The following SLC7A2 variants were observed in gnomAD, a reference collection of about 807,000 sequenced individuals.
SLC7A2 encodes cationic amino acid transporter 2.
SLC7A2 carries 48 observed loss-of-function variants against 58.9 expected under a neutral mutation model. That is an observed-to-expected ratio of 0.82 (90% CI 0.65 to 1.04). SLC7A2 has a LOEUF of 1.04. Among genes scored for constraint, SLC7A2 ranks in the 50% least tolerant of loss-of-function variants. SLC7A2 has a pLI of 0.00. For synonymous variants in SLC7A2, 363 were observed against 314.5 expected (o/e 1.15, Z -1.63); for missense variants, 1,029 against 818.8 (o/e 1.26, Z -3.13).
rs1803027197 is a variant in SLC7A2 at position 17,562,067 on chromosome 8, C to T, written c.1628C>T (p.Thr543Ile). The T allele has an allele frequency of 1.2e-6, 2 of 1,613,824 alleles. No homozygotes were observed. The highest frequency in any genetic ancestry group is 1.7e-6 in the Non-Finnish European group (2 of 1,180,000). ...FLVLFVAIVL[T>I]IWRQPQNQQK... ...GTTCTCTTCGTTGCCATCGTTCTCACCATCTGGAGGCAGCCCCAGAATCAG... is the reference window on the plus strand; with the variant it reads ...GTTCTCTTCGTTGCCATCGTTCTCATCATCTGGAGGCAGCCCCAGAATCAG... The change falls in exon 11 of 13, where the codon ACC (threonine) becomes ATC (isoleucine). Residue 543 changes from threonine to isoleucine, a missense_variant. Coordinates refer to ENST00000494857, the MANE Select transcript of SLC7A2 (RefSeq NM_001370338.1).
rs573763820 is a variant in SLC7A2, at chr8:17,540,309, G to A, written c.-22-3009G>A. On this transcript the variant is annotated intron_variant, in intron 2 of 12. Coordinates refer to ENST00000494857, the MANE Select transcript of SLC7A2 (RefSeq NM_001370338.1). ...GCGTAGTTGAGATTGTTTGCAAAGG[G>A]CATCGAGTAACCTGCCAGTTCTGAG... 1.3e-5 allele frequency among the ~76,000 whole-genome samples: 2 copies of A among 152,248 alleles called. 1 individual carries two copies. The highest frequency in any genetic ancestry group is 4.2e-4 in the South Asian group (2 of 4,814).
chr8:17,555,155 A>T, intron 8 of SLC7A2: 2 of 1,446,042 alleles, frequency 1.4e-6, no homozygotes, highest in East Asian at 2.3e-5. Flanking sequence ...ACTTATAAAG[A>T]GGGTCTGCAT....
At chr8:17,554,797 C>G in intron 8 of SLC7A2, 98 bp downstream of exon 8, 1 of 1,455,936 alleles carries the variant, frequency 6.9e-7, no homozygotes. Context: ...TTTTTGATTT[C>G]CAAGAAGTTC....
chr8:17,516,754 A>G (rs908769110), intron 2 of SLC7A2, among the ~76,000 whole-genome samples: 5 of 152,196 alleles, frequency 3.3e-5, no homozygotes, highest in African/African-American at 1.2e-4. Flanking sequence ...TCTTCACTGA[A>G]CTTAACTGGT....
rs1803017583 is a variant in SLC7A2 at position 17,561,996 on chromosome 8, C to T, written c.1557C>T (p.Ile519=). 1 of 1,614,128 alleles carries T rather than the reference C, an allele frequency of 6.2e-7. No homozygotes were observed. Among genetic ancestry groups the T allele is most frequent in the Non-Finnish European group, 8.5e-7 (1 of 1,180,008 alleles). The stretch of plus-strand genomic sequence containing the variant: ...TGACCACTTACGGAGTTCATGCCAT[C>T]ACCAGGCTGGAGGCCTGGAGCCTCG... ...SVLTTYGVHA[I]TRLEAWSLAL... The change falls in exon 11 of 13, where the codon ATC becomes ATT. Residue 519 remains isoleucine, a synonymous_variant. Transcript: ENST00000494857.
intron 2 of SLC7A2, chr8:17,510,481 C>T (rs1800560067): frequency 6.6e-6 from 1 of 152,180 alleles, no homozygotes; most frequent in Admixed American, 6.5e-5. Context: ...TCTCCACAGC[C>T]TTGCCAGCAT....
intron 9 of SLC7A2, among the ~76,000 whole-genome samples, chr8:17,558,844 A>G (rs570431257): frequency 6.6e-6 from 1 of 152,324 alleles, no homozygotes; most frequent in African/African-American, 2.4e-5. Flanking sequence ...TGTTCACTGA[A>G]CTCTTCTACA....
chr8:17,513,738 G>A (rs1800693579), intron 2 of SLC7A2, among the ~76,000 whole-genome samples: 1 of 152,136 alleles, frequency 6.6e-6, no homozygotes, highest in Non-Finnish European at 1.5e-5. Context: ...AATAACTGTG[G>A]AATCTAAGAA....
At chr8:17,512,628 T>TC (rs33954084) in intron 2 of SLC7A2, among the ~76,000 whole-genome samples, 3 of 144,762 alleles carry the variant, frequency 2.1e-5, no homozygotes. Flanking sequence ...TGGGTTTTTT[T>TC]CCCCCTATAT....
chr8:17,560,255 G>C (rs1802901893), intron 9 of SLC7A2, 73 bp from the exon 10 acceptor site: 7 of 1,129,098 alleles, frequency 6.2e-6, no homozygotes, highest in African/African-American at 6.1e-5. Context: ...CTTACTTAAG[G>C]TTTTAGGTGC....
At chr8:17,556,658 G>C (rs140327257) in intron 8 of SLC7A2, among the ~76,000 whole-genome samples, 4,681 of 151,990 alleles carry the variant, frequency 0.031, 232 homozygotes, top group African/African-American at 0.11. Context: ...ACCCAGGCTG[G>C]AGTGTAGTGG....
In SLC7A2 at chr8:17,570,505, A is replaced by G. The variant is rs1423511197; in HGVS notation, c.*5359A>G. 6.6e-6 allele frequency: 1 copy of G among 152,562 alleles called. No homozygotes were observed. The highest frequency in any genetic ancestry group is 1.5e-5 in the Non-Finnish European group (1 of 68,026). The allele number at this position is 152,562 out of a possible 1,614,324, so 9.5% of individuals were successfully genotyped here. A position where few individuals can be genotyped will look rare whatever the true frequency, so the allele number is the denominator to read the frequency against. On this transcript the variant is annotated 3_prime_UTR_variant, in exon 13 of 13. Coordinates refer to ENST00000494857, the MANE Select transcript of SLC7A2 (RefSeq NM_001370338.1). ...TGTAATAAATAAAAACTGCTGCTTT[A>G]CCACTGTAAAATATGCTTTCTGATG...
intron 2 of SLC7A2, among the ~76,000 whole-genome samples, chr8:17,539,836 C>T (rs147184983): frequency 0.012 from 1,843 of 152,264 alleles, 39 homozygotes; most frequent in South Asian, 0.099. Flanking sequence ...TGTATCTCTG[C>T]ATTCGTATTT....
intron 2 of SLC7A2, among the ~76,000 whole-genome samples, chr8:17,507,190 C>T (rs1800403624): frequency 6.6e-6 from 1 of 152,044 alleles, no homozygotes; most frequent in African/African-American, 2.4e-5. Context: ...TGTGATCCAC[C>T]CGCTTCGGCC....
At chr8:17,552,208 A>G (rs1489342272) in intron 7 of SLC7A2, among the ~76,000 whole-genome samples, 1 of 152,192 alleles carries the variant, frequency 6.6e-6, no homozygotes, top group African/African-American at 2.4e-5. Context: ...GTGATGGTCC[A>G]GGCTTCAGTA....
At chr8:17,497,392 G>C (rs981195138) in intron 1 of SLC7A2, among the ~76,000 whole-genome samples, 155 bp downstream of exon 1, 1 of 152,094 alleles carries the variant, frequency 6.6e-6, no homozygotes, top group African/African-American at 2.4e-5. Flanking sequence ...GCTGCGCGCA[G>C]CTGCCCTGAG....
intron 2 of SLC7A2, among the ~76,000 whole-genome samples, chr8:17,524,262 C>G (rs909644163): frequency 6.6e-6 from 1 of 151,866 alleles, no homozygotes; most frequent in Admixed American, 6.6e-5. Flanking sequence ...AGGTATCTAC[C>G]AAAGGAAAAA....
chr8:17,514,786 G>C (rs950871920), intron 2 of SLC7A2, among the ~76,000 whole-genome samples: 10 of 152,178 alleles, frequency 6.6e-5, no homozygotes, highest in Non-Finnish European at 1.2e-4. Flanking sequence ...ACTACCTGAA[G>C]TCTCAGAATC....
chr8:17,508,221 C>T (rs1447744490), intron 2 of SLC7A2, among the ~76,000 whole-genome samples: 46 of 152,056 alleles, frequency 3.0e-4, no homozygotes, highest in Admixed American at 3.0e-3. Context: ...GTTGATAGTG[C>T]ATTTTTTCTC....
Sources: gnomAD v4.1 joint callset for allele counts (sites outside exome capture counted in the v4.1 genomes callset) on GRCh38, gnomAD v4.1.1 for gene constraint, MANE v1.5 for transcripts, NCBI Gene and HGNC (gene_info 2026-07-23, HGNC 2026-07-21) for gene names.